The following CEP152 variants were observed in gnomAD, a reference collection of about 807,000 sequenced individuals.
The protein encoded by CEP152 is centrosomal protein of 152 kDa.
CEP152 carries 132 observed loss-of-function variants against 188.9 expected under a neutral mutation model. That is an observed-to-expected ratio of 0.70 (90% CI 0.61 to 0.81). The LOEUF is 0.81. CEP152 is among the 30% of genes least tolerant of loss of function. The pLI, the probability that CEP152 is intolerant of heterozygous loss-of-function variation, is 0.00. For synonymous variants in CEP152, 649 were observed against 666.6 expected, an observed-to-expected ratio of 0.97 and a Z score of 0.41; for missense variants, 1,914 against 1,969.8, an observed-to-expected ratio of 0.97 and a Z score of 0.54.
downstream of CEP152, among the ~76,000 whole-genome samples, chr15:48,736,215 T>C (rs1440396627): frequency 4.6e-5 from 7 of 152,094 alleles, no homozygotes; most frequent in Non-Finnish European, 7.4e-5. Context: ...ATCCAATATA[T>C]AAAGAAGAAG....
At chr15:48,791,212 AC>A (rs1896966529) in intron 8 of CEP152, 24 bp downstream of exon 8, 3 of 1,592,926 alleles carry the variant, frequency 1.9e-6, no homozygotes, top group Non-Finnish European at 1.7e-6. Context: ...TAATTTTTTT[AC>A]CATACATAAG....
intron 17 of CEP152, among the ~76,000 whole-genome samples, chr15:48,765,159 C>G (rs1289586468): frequency 1.3e-5 from 2 of 152,074 alleles, no homozygotes; most frequent in Non-Finnish European, 2.9e-5. Context: ...AGAAATTAAA[C>G]TTCTAATGCT....
chr15:48,798,101 C>G lies in CEP152; in HGVS notation c.88-50G>C, dbSNP rs772042945. On this transcript the variant is annotated intron_variant, in intron 2 of 26. Coordinates refer to ENST00000380950, the MANE Select transcript of CEP152 (RefSeq NM_001194998.2). ...ATCATACCAACTTAAACACAAGACA[C>G]CAAGCCAAAGCTGCCTTGGAACGAG... is the stretch of plus-strand genomic sequence containing the variant. 4 of 1,482,996 alleles carry G rather than the reference C, an allele frequency of 2.7e-6. No homozygotes were observed. In the South Asian group the frequency reaches 3.4e-5, roughly 13 times the overall value. The allele number at this position is 1,482,996 out of a possible 1,614,324, so 91.9% of individuals were successfully genotyped here. A position where few individuals can be genotyped will look rare whatever the true frequency, so the allele number is the denominator to read the frequency against.
chr15:48,761,285 T>C (rs555314860), intron 18 of CEP152, among the ~76,000 whole-genome samples: 29 of 152,214 alleles, frequency 1.9e-4, no homozygotes, highest in Non-Finnish European at 4.1e-4. Context: ...AAAGGTGCCC[T>C]GTAAAATCAC....
intron 9 of CEP152, among the ~76,000 whole-genome samples, chr15:48,786,477 A>G (rs1198604761): frequency 6.6e-6 from 1 of 152,216 alleles, no homozygotes; most frequent in Non-Finnish European, 1.5e-5. Context: ...TAATAATTTT[A>G]CAATCCATAA....
chr15:48,741,491 T>C (rs1595586980), intron 26 of CEP152, 110 bp downstream of exon 26: 1 of 1,592,028 alleles, frequency 6.3e-7, no homozygotes, highest in East Asian at 2.3e-5. Context: ...ATACAAAACT[T>C]CACAAATTAA....
chr15:48,739,758 T>C (rs957937068), intron 26 of CEP152, among the ~76,000 whole-genome samples: 7 of 152,182 alleles, frequency 4.6e-5, no homozygotes, highest in Admixed American at 3.3e-4. Flanking sequence ...ACACTAAATC[T>C]GATCAAAGAC....
intron 12 of CEP152, among the ~76,000 whole-genome samples, chr15:48,774,947 A>C (rs1895792605): frequency 6.6e-6 from 1 of 152,186 alleles, no homozygotes; most frequent in African/African-American, 2.4e-5. Context: ...ACAGAGAAAG[A>C]AAAGTGATAC....
Position 48,748,621 on chromosome 15 carries a change from T to C in CEP152, c.3467-11A>G, listed in dbSNP as rs1893642863. On this transcript the variant is annotated splice_polypyrimidine_tract_variant and intron_variant, in intron 21 of 26. Transcript: ENST00000380950. Reference sequence around the variant, plus strand: ...GGACCTTTTTCTTATCTGCAAAAATTAAATGACAGAAAACTTTTATATCAG... The same window carrying C: ...GGACCTTTTTCTTATCTGCAAAAATCAAATGACAGAAAACTTTTATATCAG... 3 of 1,456,662 alleles carry C rather than the reference T, an allele frequency of 2.1e-6. No homozygotes were observed. Among genetic ancestry groups the C allele is most frequent in the Non-Finnish European group, 1.8e-6 (2 of 1,110,732 alleles). 90.2% of individuals were successfully genotyped at this position (1,456,662 alleles called of 1,614,324 possible). A position where few individuals can be genotyped will look rare whatever the true frequency, so the allele number is the denominator to read the frequency against.
intron 17 of CEP152, chr15:48,765,590 T>G (rs1895003428): frequency 2.4e-6 from 1 of 424,760 alleles, no homozygotes; most frequent in Admixed American, 2.9e-5. Context: ...TCAGAAAATA[T>G]TCCTGGAATG....
intron 12 of CEP152, 107 bp downstream of exon 12, chr15:48,781,087 AGT>A (rs1466381423): frequency 5.4e-6 from 5 of 927,678 alleles, no homozygotes; most frequent in African/African-American, 4.9e-5. Context: ...TTCAATACAC[AGT>A]GTTAACATAT....
At chr15:48,773,881 T>C (rs73400372) in intron 12 of CEP152, among the ~76,000 whole-genome samples, 11,218 of 152,164 alleles carry the variant, frequency 0.074, 651 homozygotes, top group Admixed American at 0.18. Flanking sequence ...ATGTCTAGCA[T>C]TCAATCAAAA....
chr15:48,775,723 G>T (rs1483251770), intron 12 of CEP152, among the ~76,000 whole-genome samples: 8 of 152,102 alleles, frequency 5.3e-5, no homozygotes, highest in African/African-American at 1.9e-4. Flanking sequence ...TAGATTAGTT[G>T]TCTGGAGCTG....
chr15:48,778,991 C>G (rs986691108), intron 12 of CEP152, among the ~76,000 whole-genome samples: 17 of 150,762 alleles, frequency 1.1e-4, no homozygotes, highest in African/African-American at 2.9e-4. Flanking sequence ...TGGCTATGAG[C>G]ACTAAGTAAA....
intron 14 of CEP152, among the ~76,000 whole-genome samples, chr15:48,768,542 T>C (rs1895294974): frequency 1.3e-5 from 2 of 152,220 alleles, no homozygotes; most frequent in Non-Finnish European, 2.9e-5. Context: ...CTGACAGGAC[T>C]AAACGTTTAA....
intron 1 of CEP152, chr15:48,810,703 A>C (rs2140950251): frequency 6.6e-6 from 1 of 152,538 alleles, no homozygotes; most frequent in East Asian, 1.9e-4. Flanking sequence ...TCCGCAGAGT[A>C]GGGTCTCAGG....
At chr15:48,736,437 TATC>T (rs1566969365), downstream of CEP152, among the ~76,000 whole-genome samples, 1 of 152,154 alleles carries the variant, frequency 6.6e-6, no homozygotes, top group Non-Finnish European at 1.5e-5. Context: ...AAGGGCTAAA[TATC>T]ATGACAAAGT....
chr15:48,797,708 C>G lies in CEP152; in HGVS notation c.214G>C (p.Glu72Gln). The G allele has an allele frequency of 1.9e-6, 3 of 1,614,112 alleles. No individual in the cohort carries two copies. The highest frequency in any genetic ancestry group is 2.5e-6 in the Non-Finnish European group (3 of 1,180,018). The change falls in exon 4 of 27, where the codon GAG (glutamate) becomes CAG (glutamine). Residue 72 changes from glutamate (E) to glutamine (Q), a missense_variant. Coordinates refer to ENST00000380950, the MANE Select transcript of CEP152 (RefSeq NM_001194998.2). ...AGCATTTGCTCATTCCAGCTCATCT[C>G]CAATTGCTCAGGATGATGTGGTCTC... The part of the protein sequence containing the change: ...DGQPHHPEQL[E>Q]MSWNEQMLPK...
intron 9 of CEP152, among the ~76,000 whole-genome samples, chr15:48,786,627 C>T (rs1896651700): frequency 6.6e-6 from 1 of 152,088 alleles, no homozygotes; most frequent in Non-Finnish European, 1.5e-5. Context: ...CACCACTTTG[C>T]AAAGCAGCTA....
Sources: gnomAD v4.1 joint callset for allele counts (sites outside exome capture counted in the v4.1 genomes callset) on GRCh38, gnomAD v4.1.1 for gene constraint, MANE v1.5 for transcripts, NCBI Gene and HGNC (gene_info 2026-07-23, HGNC 2026-07-21) for gene names.